The following EXOC2 variants were observed in gnomAD, a reference collection of about 807,000 sequenced individuals.
EXOC2 encodes SEC5-like 1.
A neutral mutation model predicts 131.8 loss-of-function variants in EXOC2; 70 were observed. The observed-to-expected ratio is 0.53, with a 90% confidence interval of 0.44 to 0.65. The LOEUF (loss-of-function observed/expected upper bound fraction) is 0.65. Among genes scored for constraint, EXOC2 ranks in the 30% least tolerant of loss-of-function variants. The probability of loss-of-function intolerance (pLI) is 0.00; values close to 1 mark genes in which losing one functional copy is unlikely to be tolerated. For missense variants in EXOC2, 923 were observed against 1,108.6 expected, an observed-to-expected ratio of 0.83 and a Z score of 2.38; for synonymous variants, 411 against 398.4, an observed-to-expected ratio of 1.03 and a Z score of -0.38.
At chr6:552,897 G>A (rs539558992) in intron 21 of EXOC2, among the ~76,000 whole-genome samples, 79 of 151,858 alleles carry the variant, frequency 5.2e-4, no homozygotes, top group Middle Eastern at 3.4e-3. Flanking sequence ...TCAAACTCAT[G>A]ACAAACCAGA....
chr6:486,936 G>A (rs544166371), intron 27 of EXOC2, among the ~76,000 whole-genome samples, 172 bp from the exon 28 acceptor site: 34 of 132,978 alleles, frequency 2.6e-4, no homozygotes, highest in African/African-American at 6.9e-4. Context: ...CATCAAAGAA[G>A]TTGATCAAAT....
intron 1 of EXOC2, among the ~76,000 whole-genome samples, chr6:686,944 A>G (rs1764683088): frequency 6.6e-6 from 1 of 152,178 alleles, no homozygotes; most frequent in African/African-American, 2.4e-5. Context: ...CTTAATAGGA[A>G]AACAAAAGAG....
At position 532,570 on chromosome 6, in the gene EXOC2, A is replaced by G; in HGVS notation, c.2279T>C (p.Phe760Ser). 1.2e-6 allele frequency: 2 copies of G among 1,608,930 alleles called. No individual in the cohort carries two copies. Among genetic ancestry groups the G allele is most frequent in the Non-Finnish European group, 1.7e-6 (2 of 1,178,392 alleles). The stretch of plus-strand genomic sequence containing the variant: ...TGCTTTCAACTCGATGTAATTTTCA[A>G]AGAGTCTTTGATCTAGTTCTTTCAA... ...ASLKELDQRL[F>S]ENYIELKADP... Residue 760 changes from phenylalanine to serine, a missense_variant, in exon 23 of 28, where the codon TTT becomes TCT. Transcript: ENST00000230449.
At chr6:566,581 C>A (rs930710057) in intron 13 of EXOC2, among the ~76,000 whole-genome samples, 1 of 152,214 alleles carries the variant, frequency 6.6e-6, no homozygotes, top group African/African-American at 2.4e-5. Flanking sequence ...AGAATCAGAA[C>A]GTGGTTGGTG....
intron 7 of EXOC2, among the ~76,000 whole-genome samples, chr6:607,855 C>CT (rs954740556): frequency 4.6e-5 from 7 of 152,054 alleles, no homozygotes; most frequent in Middle Eastern, 3.4e-3. Context: ...AAAACAATTT[C>CT]TTTTTTTTAA....
rs1376541519 is a variant in EXOC2 at position 643,786 on chromosome 6, T to C, written c.-43-5925A>G. On this transcript the variant is annotated intron_variant, in intron 1 of 27. Coordinates refer to ENST00000230449, the MANE Select transcript of EXOC2 (RefSeq NM_018303.6). ...AAGTTCTTCACCAACAATTAATGAA[T>C]TGATGTTTCAAAAAAACTCTCTAGA... Among the ~76,000 whole-genome samples, 4 of 152,152 alleles carry C rather than the reference T, an allele frequency of 2.6e-5. No individual in the cohort carries two copies. The South Asian group carries it at 8.3e-4, about 32-fold the overall frequency.
intron 1 of EXOC2, among the ~76,000 whole-genome samples, chr6:672,188 T>G (rs1427374645): frequency 6.6e-6 from 1 of 152,212 alleles, no homozygotes; most frequent in East Asian, 1.9e-4. Context: ...GTTCACTGAT[T>G]CTTTCCTCAG....
At chr6:592,952 C>T (rs377536789) in intron 10 of EXOC2, among the ~76,000 whole-genome samples, 8 of 152,120 alleles carry the variant, frequency 5.3e-5, no homozygotes, top group Admixed American at 4.6e-4. Flanking sequence ...ATCGCTTGAA[C>T]CCGAGAGGCA....
intron 10 of EXOC2, among the ~76,000 whole-genome samples, chr6:594,361 G>A (rs1759700260): frequency 6.6e-6 from 1 of 152,150 alleles, no homozygotes; most frequent in African/African-American, 2.4e-5. Context: ...ATGCTTTCTT[G>A]CTGGGGATGA....
chr6:491,606 A>G (rs966730753), intron 25 of EXOC2, among the ~76,000 whole-genome samples: 1 of 152,254 alleles, frequency 6.6e-6, no homozygotes, highest in African/African-American at 2.4e-5. Flanking sequence ...CCTGACACCT[A>G]TGCCCTTGCA....
At chr6:610,883 A>C (rs1581550424) in intron 6 of EXOC2, among the ~76,000 whole-genome samples, 1 of 152,226 alleles carries the variant, frequency 6.6e-6, no homozygotes, top group East Asian at 1.9e-4. Flanking sequence ...TCCTCTATCA[A>C]AGAAACACAT....
chr6:535,002 A>G (rs1298794263), intron 22 of EXOC2, among the ~76,000 whole-genome samples: 1 of 152,234 alleles, frequency 6.6e-6, no homozygotes, highest in Non-Finnish European at 1.5e-5. Context: ...CTAGAAATTT[A>G]TAGCTGAAAA....
chr6:522,483 C>T (rs372272080), intron 23 of EXOC2, among the ~76,000 whole-genome samples: 141 of 148,212 alleles, frequency 9.5e-4, no homozygotes, highest in African/African-American at 3.3e-3. Context: ...TGCAGGACAG[C>T]GTGTGGGGAG....
intron 19 of EXOC2, 77 bp from the exon 20 acceptor site, chr6:555,365 A>C: frequency 1.1e-6 from 1 of 920,324 alleles, no homozygotes; most frequent in Middle Eastern, 2.3e-4. Flanking sequence ...ACTAAAGATA[A>C]CTTTACATAA....
At chr6:677,684 G>C (rs1291956745) in intron 1 of EXOC2, among the ~76,000 whole-genome samples, 1 of 152,086 alleles carries the variant, frequency 6.6e-6, no homozygotes, top group Non-Finnish European at 1.5e-5. Context: ...GGTCGGGCTG[G>C]TCTAAAATTC....
intron 12 of EXOC2, among the ~76,000 whole-genome samples, chr6:576,208 A>G (rs945718230): frequency 6.6e-6 from 1 of 152,202 alleles, no homozygotes; most frequent in African/African-American, 2.4e-5. Context: ...TTGGTGCAAG[A>G]ATGCCTGATA....
intron 1 of EXOC2, among the ~76,000 whole-genome samples, chr6:674,594 G>A (rs898241148): frequency 1.3e-5 from 2 of 151,956 alleles, no homozygotes; most frequent in Admixed American, 1.3e-4. Flanking sequence ...CTCTTTTCTA[G>A]GTCAAATTTA....
At chr6:650,653 A>G (rs2127737326) in intron 1 of EXOC2, among the ~76,000 whole-genome samples, 1 of 152,336 alleles carries the variant, frequency 6.6e-6, no homozygotes, top group East Asian at 1.9e-4. Flanking sequence ...ACATTACAAA[A>G]CTAGGCTATA....
At chr6:637,170 C>T (rs984687455) in intron 2 of EXOC2, among the ~76,000 whole-genome samples, 1 of 152,146 alleles carries the variant, frequency 6.6e-6, no homozygotes, top group Non-Finnish European at 1.5e-5. Context: ...ACATAAACTG[C>T]CCCTAAAAAC....
Sources: gnomAD v4.1 joint callset for allele counts (sites outside exome capture counted in the v4.1 genomes callset) on GRCh38, gnomAD v4.1.1 for gene constraint, MANE v1.5 for transcripts, NCBI Gene and HGNC (gene_info 2026-07-23, HGNC 2026-07-21) for gene names.